CEP68: variants seen among roughly 807,000 people sequenced by gnomAD.
The protein encoded by CEP68 is centrosomal protein of 68 kDa.
CEP68 carries 26 observed loss-of-function variants against 55.3 expected under a neutral mutation model. That is an observed-to-expected ratio of 0.47 (90% CI 0.34 to 0.65). The LOEUF is 0.65. Among genes scored for constraint, CEP68 ranks in the 30% least tolerant of loss-of-function variants. The probability of loss-of-function intolerance (pLI) is 0.01; values close to 1 mark genes in which losing one functional copy is unlikely to be tolerated. For synonymous variants in CEP68, 402 were observed against 383.2 expected, an observed-to-expected ratio of 1.05 and a Z score of -0.57; for missense variants, 957 against 946.7, an observed-to-expected ratio of 1.01 and a Z score of -0.14.
intron 4 of CEP68, 92 bp downstream of exon 4, chr2:65,074,496 GGTATGTTATAGCT>G: frequency 6.4e-7 from 1 of 1,565,052 alleles, no homozygotes; most frequent in Non-Finnish European, 8.8e-7. Flanking sequence ...ACCAATGTCT[GGTATGTTATAGCT>G]CAGTTGACTA....
At chr2:65,066,745 A>AAAAAAAAAT (rs70943620) in intron 1 of CEP68, among the ~76,000 whole-genome samples, 12 of 58,402 alleles carry the variant, frequency 2.1e-4, no homozygotes, top group African/African-American at 2.7e-4. Context: ...AAAAAAAAAA[A>AAAAAAAAAT]ATATATATAT....
At chr2:65,061,730 A>C (rs1222715228) in intron 1 of CEP68, among the ~76,000 whole-genome samples, 1 of 152,222 alleles carries the variant, frequency 6.6e-6, no homozygotes, top group Admixed American at 6.5e-5. Context: ...TCAGGCCTCC[A>C]GCCACAGTTT....
intron 5 of CEP68, among the ~76,000 whole-genome samples, chr2:65,080,742 CG>C (rs1171612186): frequency 1.3e-5 from 2 of 151,720 alleles, no homozygotes; most frequent in Non-Finnish European, 2.9e-5. Context: ...CGCTTGAACC[CG>C]GGAGGCAGAG....
intron 2 of CEP68, 62 bp downstream of exon 2, chr2:65,069,863 T>A: frequency 7.2e-7 from 1 of 1,385,550 alleles, no homozygotes; most frequent in East Asian, 2.3e-5. Context: ...TTGTTCAGGA[T>A]TTCCTCACCA....
Position 65,072,297 on chromosome 2 carries a change from C to A in CEP68, c.1201C>A (p.Pro401Thr). The change falls in exon 3 of 7, where the codon CCC (proline) becomes ACC (threonine). Residue 401 changes from proline (P) to threonine (T), a missense_variant. Transcript: ENST00000377990. ...ATCTTGGAGCCAACTTGCATCTACC[C>A]CCAGAGCCCCAGGCAGTAGGGATGC... ...LASWSQLAST[P>T]RAPGSRDARW... 1 of 1,614,046 alleles carries A rather than the reference C, an allele frequency of 6.2e-7. No individual in the cohort carries two copies. The highest frequency in any genetic ancestry group is 8.5e-7 in the Non-Finnish European group (1 of 1,180,014).
chr2:65,061,051 C>T (rs1204047914), intron 1 of CEP68, among the ~76,000 whole-genome samples: 1 of 152,086 alleles, frequency 6.6e-6, no homozygotes, highest in East Asian at 1.9e-4. Flanking sequence ...GTGGTGGGTG[C>T]CTGTAATCCC....
rs2103814518 is a variant in CEP68 at position 65,086,856 on chromosome 2, CA to C, written c.*3225del. ...AGATCCACCAAGCACGCCTATAATA[CA>C]AAGTAAACTATGATTTTTATTGTGA... On this transcript the variant is annotated 3_prime_UTR_variant, in exon 7 of 7. Transcript: ENST00000377990. 6.5e-6 allele frequency: 1 copy of C among 152,674 alleles called. No individual in the cohort carries two copies. The highest frequency in any genetic ancestry group is 1.9e-4 in the East Asian group (1 of 5,186). 9.5% of individuals were successfully genotyped at this position (152,674 alleles called of 1,614,324 possible). A position where few individuals can be genotyped will look rare whatever the true frequency, so the allele number is the denominator to read the frequency against.
chr2:65,076,108 C>T (rs1676744528), intron 4 of CEP68, among the ~76,000 whole-genome samples: 1 of 151,630 alleles, frequency 6.6e-6, no homozygotes, highest in South Asian at 2.1e-4. Flanking sequence ...CTGCAGGAAA[C>T]AGCATTCCCA....
chr2:65,074,772 C>A lies in CEP68; in HGVS notation c.2007+368C>A, dbSNP rs2270330. The A allele has an allele frequency of 3.3e-4, 79 of 242,944 alleles. 1 individual carries two copies. The highest frequency in any genetic ancestry group is 2.0e-3 in the South Asian group (44 of 21,628). 15.0% of individuals were successfully genotyped at this position (242,944 alleles called of 1,614,324 possible). A position where few individuals can be genotyped will look rare whatever the true frequency, so the allele number is the denominator to read the frequency against. On this transcript the variant is annotated intron_variant, in intron 4 of 6. Coordinates refer to ENST00000377990, the MANE Select transcript of CEP68 (RefSeq NM_015147.3). ...CTGAGCAACATAGCAAGACCCCCCC[C>A]CCTCAAAAAAAAGTTTTTTCTTAAT...
At chr2:65,074,847 C>T (rs1676689438) in intron 4 of CEP68, 1 of 245,662 alleles carries the variant, frequency 4.1e-6, no homozygotes, top group Non-Finnish European at 8.1e-6. Context: ...TTCCAAATGT[C>T]TCAGGGATTA....
At chr2:65,058,728 A>G (rs1484482478) in intron 1 of CEP68, among the ~76,000 whole-genome samples, 2 of 151,612 alleles carry the variant, frequency 1.3e-5, no homozygotes, top group African/African-American at 2.4e-5. Context: ...CCTGGTCTTG[A>G]ACTCCTGACC....
chr2:65,078,882 A>G (rs1333526366), intron 5 of CEP68, among the ~76,000 whole-genome samples: 1 of 152,216 alleles, frequency 6.6e-6, no homozygotes, highest in Non-Finnish European at 1.5e-5. Flanking sequence ...CCCATTTAGG[A>G]AAGTGAAAAT....
In CEP68 at chr2:65,086,126, G is replaced by A. The variant is rs529336379; in HGVS notation, c.*2492G>A. ...TGGGAATGGAACACAAAGAAGGTTT[G>A]AGGTAAGATATGCTGGAAAGGCAAG... On this transcript the variant is annotated 3_prime_UTR_variant, in exon 7 of 7. Coordinates refer to ENST00000377990, the MANE Select transcript of CEP68 (RefSeq NM_015147.3). The A allele has an allele frequency of 5.3e-5, 8 of 152,340 alleles. No individual in the cohort carries two copies. The highest frequency in any genetic ancestry group is 4.6e-4 in the Admixed American group (7 of 15,302). The allele number at this position is 152,340 out of a possible 1,614,324, so 9.4% of individuals were successfully genotyped here.
chr2:65,061,003 C>G (rs1279101998), intron 1 of CEP68, among the ~76,000 whole-genome samples: 2 of 152,068 alleles, frequency 1.3e-5, no homozygotes, highest in African/African-American at 4.8e-5. Context: ...ATGGTGAAAC[C>G]CTGTCTCTAC....
At chr2:65,080,939 G>A (rs891130874) in intron 5 of CEP68, among the ~76,000 whole-genome samples, 26 of 151,622 alleles carry the variant, frequency 1.7e-4, no homozygotes, top group Admixed American at 3.3e-4. Flanking sequence ...AGCCAGCTGC[G>A]GTGGCTCATG....
At position 65,072,050 on chromosome 2, in the gene CEP68, C is replaced by T. The variant is rs753017494; in HGVS notation, c.954C>T (p.His318=). ...PLRPGPQLPK[H]LDSRVPADPV... ...GGCCCGGGCCTCAGCTCCCAAAGCACCTTGATAGCCGTGTGCCAGCTGACC... is the reference window on the plus strand; with the variant it reads ...GGCCCGGGCCTCAGCTCCCAAAGCATCTTGATAGCCGTGTGCCAGCTGACC... The change falls in exon 3 of 7, where the codon CAC becomes CAT. Residue 318 remains histidine, a synonymous_variant. Coordinates refer to ENST00000377990, the MANE Select transcript of CEP68 (RefSeq NM_015147.3). 6.2e-7 allele frequency: 1 copy of T among 1,613,838 alleles called. No homozygotes were observed. Among genetic ancestry groups the T allele is most frequent in the Non-Finnish European group, 8.5e-7 (1 of 1,180,004 alleles).
chr2:65,074,162 G>A, intron 3 of CEP68, 120 bp from the exon 4 acceptor site: 1 of 1,211,646 alleles, frequency 8.3e-7, no homozygotes. Context: ...GAGCAAGGAG[G>A]AGAGAGGAAA....
chr2:65,067,784 G>C (rs572353943), intron 1 of CEP68, among the ~76,000 whole-genome samples: 9 of 152,260 alleles, frequency 5.9e-5, no homozygotes, highest in African/African-American at 2.2e-4. Context: ...ATAATTTTCT[G>C]ATTAGTTCCT....
intron 1 of CEP68, among the ~76,000 whole-genome samples, chr2:65,066,779 A>C (rs1177845727): frequency 0.038 from 5,204 of 138,712 alleles, 366 homozygotes; most frequent in African/African-American, 0.13. Context: ...CACACACAAA[A>C]AAAAATTAGC....
Sources: gnomAD v4.1 joint callset for allele counts (sites outside exome capture counted in the v4.1 genomes callset) on GRCh38, gnomAD v4.1.1 for gene constraint, MANE v1.5 for transcripts, NCBI Gene and HGNC (gene_info 2026-07-23, HGNC 2026-07-21) for gene names.